The following PEX14 variants were observed in gnomAD, a reference collection of about 807,000 sequenced individuals.
The protein encoded by PEX14 is peroxisomal biogenesis factor 14.
In PEX14, 15 loss-of-function variants were observed where a neutral mutation model predicts 49.5. The ratio of observed to expected loss-of-function variants is 0.30; its 90% CI spans 0.20 to 0.47. The LOEUF is 0.47. Among genes scored for constraint, PEX14 ranks in the 20% least tolerant of loss-of-function variants. PEX14 has a pLI of 1.00. For missense variants in PEX14, 398 were observed against 494.8 expected (o/e 0.80, Z 1.86); for synonymous variants, 210 against 212.7 (o/e 0.99, Z 0.11).
At chr1:10,521,246 T>C (rs146040816) in intron 2 of PEX14, among the ~76,000 whole-genome samples, 2 of 152,246 alleles carry the variant, frequency 1.3e-5, no homozygotes, top group East Asian at 3.9e-4. Context: ...TTCTCTAACC[T>C]TCTCTTTCTC....
chr1:10,483,883 T>C (rs1423057043), intron 1 of PEX14, among the ~76,000 whole-genome samples: 3 of 151,428 alleles, frequency 2.0e-5, no homozygotes, highest in Non-Finnish European at 2.9e-5. Context: ...TGAACTGTTT[T>C]CTATTACTAT....
Position 10,544,108 on chromosome 1 carries a change from A to G in PEX14, c.169+7811A>G, listed in dbSNP as rs529298648. The stretch of plus-strand genomic sequence containing the variant: ...TAGACAGTTCTACAGTTTACAAAAC[A>G]CTATCACATAGTTGATTTTTTCACT... On this transcript the variant is annotated intron_variant, in intron 3 of 8. Transcript: ENST00000356607. Among the ~76,000 whole-genome samples, 7 of 152,354 alleles carry G rather than the reference A, an allele frequency of 4.6e-5. No individual in the cohort carries two copies. In the East Asian group the frequency reaches 1.4e-3, roughly 29 times the overall value.
chr1:10,509,988 G>A (rs1189795033), intron 2 of PEX14, among the ~76,000 whole-genome samples: 1 of 152,050 alleles, frequency 6.6e-6, no homozygotes, highest in African/African-American at 2.4e-5. Flanking sequence ...CAAGATAATT[G>A]GTAGCTCCAT....
chr1:10,476,739 C>A (rs943672265), intron 1 of PEX14, among the ~76,000 whole-genome samples: 2 of 152,142 alleles, frequency 1.3e-5, no homozygotes, highest in East Asian at 3.9e-4. Context: ...GATCTGCCCG[C>A]CTCAGCCTCC....
chr1:10,603,242 A>G (rs764839780), intron 4 of PEX14, among the ~76,000 whole-genome samples: 2 of 152,256 alleles, frequency 1.3e-5, no homozygotes, highest in African/African-American at 2.4e-5. Context: ...GGTCAGTACT[A>G]TATCATGCGA....
intron 3 of PEX14, among the ~76,000 whole-genome samples, chr1:10,559,398 A>T (rs1241168799): frequency 6.6e-6 from 1 of 152,212 alleles, no homozygotes; most frequent in African/African-American, 2.4e-5. Context: ...ATGGCTTGAC[A>T]TGCTGAAAAC....
rs541372513 is a variant in PEX14 at position 10,613,392 on chromosome 1, G to A, written c.299-4940G>A. 6.6e-6 allele frequency among the ~76,000 whole-genome samples: 1 copy of A among 152,302 alleles called. No homozygotes were observed. The highest frequency in any genetic ancestry group is 2.4e-5 in the African/African-American group (1 of 41,562). ...TGCGCAGGCTGACCTCCATGGAGCC[G>A]GGCAGAGCTTAAGCTAGTTCGTGGA... is the stretch of plus-strand genomic sequence containing the variant. On this transcript the variant is annotated intron_variant, in intron 4 of 8. Coordinates refer to ENST00000356607, the MANE Select transcript of PEX14 (RefSeq NM_004565.3). This position sits in a 1 kb window ranked among gnomAD's most constrained non-coding sequence, Gnocchi z 5.0.
At chr1:10,620,231 C>G (rs1641549448) in intron 5 of PEX14, among the ~76,000 whole-genome samples, 1 of 152,034 alleles carries the variant, frequency 6.6e-6, no homozygotes, top group African/African-American at 2.4e-5. Flanking sequence ...AGGCAGATTG[C>G]TTGAGCCCAG....
At chr1:10,573,172 T>G (rs1570287482) in intron 3 of PEX14, among the ~76,000 whole-genome samples, 2 of 152,382 alleles carry the variant, frequency 1.3e-5, no homozygotes, top group South Asian at 4.1e-4. Context: ...CATCGTTAAC[T>G]GAAATATCAT....
chr1:10,598,128 G>A (rs1265219380), intron 3 of PEX14, among the ~76,000 whole-genome samples: 2 of 152,232 alleles, frequency 1.3e-5, no homozygotes, highest in African/African-American at 4.8e-5. Context: ...TAGTTTAAAA[G>A]CTCTGTGTTG....
chr1:10,569,476 G>T (rs1377353550), intron 3 of PEX14, among the ~76,000 whole-genome samples: 1 of 152,142 alleles, frequency 6.6e-6, no homozygotes, highest in Non-Finnish European at 1.5e-5. Flanking sequence ...GCGCTCTCTA[G>T]ACCTGTTCCC....
chr1:10,478,853 C>T (rs941674852), intron 1 of PEX14, among the ~76,000 whole-genome samples: 6 of 151,780 alleles, frequency 4.0e-5, no homozygotes, highest in Non-Finnish European at 8.8e-5. Flanking sequence ...TCGAACCATT[C>T]TCCTGCCTCA....
At chr1:10,617,230 C>G (rs916496615) in intron 4 of PEX14, 1 of 152,310 alleles carries the variant, frequency 6.6e-6, no homozygotes, top group African/African-American at 2.4e-5. Flanking sequence ...TTGCCCCACT[C>G]CCTTCTTGCC....
At chr1:10,592,025 CTTTG>C (rs57968571) in intron 3 of PEX14, among the ~76,000 whole-genome samples, 139,442 of 152,022 alleles carry the variant, frequency 0.92, 64,124 homozygotes, top group Middle Eastern at 0.99. Flanking sequence ...TTCTGAATTT[CTTTG>C]TTTGGTTGTC....
chr1:10,540,004 CCTT>C (rs1638954765), intron 3 of PEX14, among the ~76,000 whole-genome samples: 1 of 152,178 alleles, frequency 6.6e-6, no homozygotes, highest in Non-Finnish European at 1.5e-5. Context: ...CTTACTGTGT[CCTT>C]CTCAAGTGTC....
rs1274507526 is a variant in PEX14, at chr1:10,560,715, CA to C, written c.169+24419del. Among the ~76,000 whole-genome samples, 1,065 of 132,328 alleles carry C rather than the reference CA, an allele frequency of 8.0e-3. 35 individuals are homozygous for C. Among genetic ancestry groups the C allele is most frequent in the South Asian group, 0.018 (66 of 3,708 alleles). 86.8% of individuals were successfully genotyped at this position (132,328 alleles called of 152,430 possible). A position where few individuals can be genotyped will look rare whatever the true frequency, so the allele number is the denominator to read the frequency against. ...AGTTTCTTAGTTGTTAACATTTTGC[CA>C]CCTTTTTTTTTTTTTTTTTGAGACG... On this transcript the variant is annotated intron_variant, in intron 3 of 8. Coordinates refer to ENST00000356607, the MANE Select transcript of PEX14 (RefSeq NM_004565.3).
At chr1:10,572,679 C>T (rs1041927992) in intron 3 of PEX14, among the ~76,000 whole-genome samples, 29 of 87,072 alleles carry the variant, frequency 3.3e-4, no homozygotes, top group Admixed American at 1.1e-3. Flanking sequence ...GGACTATAGG[C>T]GCCCCCCCCA....
At chr1:10,505,968 T>C (rs1196731999) in intron 2 of PEX14, among the ~76,000 whole-genome samples, 3 of 152,054 alleles carry the variant, frequency 2.0e-5, no homozygotes, top group African/African-American at 7.2e-5. Context: ...GGCTTATGTG[T>C]ACTTTTGAGA....
chr1:10,502,816 T>C (rs1641705307), intron 2 of PEX14, among the ~76,000 whole-genome samples: 1 of 146,240 alleles, frequency 6.8e-6, no homozygotes, highest in Non-Finnish European at 1.5e-5. Flanking sequence ...TTTTTTTTAA[T>C]GACAGAGTCT....
Sources: gnomAD v4.1 joint callset for allele counts (sites outside exome capture counted in the v4.1 genomes callset) on GRCh38, gnomAD v4.1.1 for gene constraint, Gnocchi (gnomAD v3.1) non-coding constraint, MANE v1.5 for transcripts, NCBI Gene and HGNC (gene_info 2026-07-23, HGNC 2026-07-21) for gene names.